Variants in TTC23 observed in about 807,000 individuals in gnomAD.
The protein encoded by TTC23 is tetratricopeptide repeat protein 23.
A neutral mutation model predicts 55.1 loss-of-function variants in TTC23; 58 were observed. The observed-to-expected ratio is 1.05, with a 90% CI of 0.85 to 1.31. The LOEUF is 1.31. Ranked by LOEUF, TTC23 falls within the 50% of genes most tolerant of loss-of-function variation. The probability of loss-of-function intolerance (pLI) is 0.00; values close to 1 mark genes in which losing one functional copy is unlikely to be tolerated. For missense variants in TTC23, 516 were observed against 534.4 expected, an observed-to-expected ratio of 0.97 and a Z score of 0.34; for synonymous variants, 203 against 199.9, an observed-to-expected ratio of 1.02 and a Z score of -0.13.
chr15:99,217,307 G>A (rs1204273790), intron 8 of TTC23, among the ~76,000 whole-genome samples: 3 of 151,780 alleles, frequency 2.0e-5, no homozygotes, highest in African/African-American at 7.3e-5. Context: ...ATAGGCATGC[G>A]CCACCACGCC....
intron 10 of TTC23, among the ~76,000 whole-genome samples, chr15:99,169,152 AG>A (rs539817464): frequency 3.9e-5 from 6 of 152,174 alleles, no homozygotes; most frequent in Non-Finnish European, 7.4e-5. Flanking sequence ...GGCACAGAGC[AG>A]GGATGGATGC....
chr15:99,190,053 C>T (rs190128093), intron 9 of TTC23, among the ~76,000 whole-genome samples: 82 of 152,056 alleles, frequency 5.4e-4, no homozygotes, highest in African/African-American at 1.9e-3. Context: ...TGGCAGTGCA[C>T]GCCTATAGTC....
chr15:99,212,260 A>ATGTGTGTG (rs35709919), intron 8 of TTC23, among the ~76,000 whole-genome samples: 9 of 146,516 alleles, frequency 6.1e-5, no homozygotes, highest in East Asian at 2.0e-4. Flanking sequence ...TTAAAGAGGG[A>ATGTGTGTG]TGTGTGTGTG....
chr15:99,169,925 G>A (rs2072685543), intron 10 of TTC23, among the ~76,000 whole-genome samples: 2 of 152,196 alleles, frequency 1.3e-5, no homozygotes, highest in Admixed American at 6.5e-5. Context: ...AGCCCAGGCC[G>A]CAGATGGGGC....
chr15:99,230,890 T>A (rs1184272493), intron 4 of TTC23, among the ~76,000 whole-genome samples: 2 of 152,200 alleles, frequency 1.3e-5, no homozygotes, highest in African/African-American at 2.4e-5. Context: ...GGAACTCTAG[T>A]TCTACAAAAC....
At chr15:99,214,658 G>A (rs2077316356) in intron 8 of TTC23, among the ~76,000 whole-genome samples, 1 of 151,668 alleles carries the variant, frequency 6.6e-6, no homozygotes, top group Non-Finnish European at 1.5e-5. Context: ...TGAGCTCCAG[G>A]GCTCAAGCTA....
intron 12 of TTC23, among the ~76,000 whole-genome samples, chr15:99,147,375 G>A (rs1703760): frequency 0.025 from 3,742 of 151,936 alleles, 121 homozygotes; most frequent in African/African-American, 0.081. Flanking sequence ...ACAGGCGCCC[G>A]CCACCACACC....
chr15:99,223,431 G>A (rs531563798), intron 5 of TTC23, among the ~76,000 whole-genome samples: 14 of 152,316 alleles, frequency 9.2e-5, no homozygotes, highest in South Asian at 4.2e-4. Context: ...TGCATATGGA[G>A]AAATGACCAT....
intron 9 of TTC23, among the ~76,000 whole-genome samples, chr15:99,186,624 A>G (rs1225686213): frequency 6.6e-6 from 1 of 152,204 alleles, no homozygotes; most frequent in African/African-American, 2.4e-5. Context: ...AGGTTGCAGG[A>G]TACAAGATAA....
intron 1 of TTC23, among the ~76,000 whole-genome samples, chr15:99,248,482 G>A (rs886949088): frequency 9.2e-5 from 14 of 152,096 alleles, no homozygotes; most frequent in Non-Finnish European, 2.1e-4. Context: ...TCACTAGTAG[G>A]GATGCCACTT....
intron 9 of TTC23, among the ~76,000 whole-genome samples, chr15:99,187,103 AG>A (rs957309018): frequency 1.3e-5 from 2 of 152,136 alleles, no homozygotes; most frequent in Admixed American, 6.5e-5. Context: ...TACTGGTATA[AG>A]GATAAACATA....
chr15:99,168,787 C>T (rs1283546825), intron 10 of TTC23, among the ~76,000 whole-genome samples: 1 of 152,158 alleles, frequency 6.6e-6, no homozygotes, highest in Non-Finnish European at 1.5e-5. Flanking sequence ...CCTCCACTGG[C>T]CCCAAGGGCT....
chr15:99,215,181 T>C (rs1016506401), intron 8 of TTC23, among the ~76,000 whole-genome samples: 3 of 152,182 alleles, frequency 2.0e-5, no homozygotes, highest in African/African-American at 7.2e-5. Flanking sequence ...TATCCAGTTA[T>C]GTGTTTGTTT....
chr15:99,140,779 C>A (rs1486497937), intron 12 of TTC23: 3 of 152,076 alleles, frequency 2.0e-5, no homozygotes, highest in African/African-American at 7.2e-5. Context: ...TATTTGTGCA[C>A]CAAAATTCAC....
intron 8 of TTC23, among the ~76,000 whole-genome samples, chr15:99,206,702 T>C (rs922187156): frequency 2.0e-5 from 3 of 152,200 alleles, no homozygotes; most frequent in Non-Finnish European, 4.4e-5. Context: ...GTCTTCTCTC[T>C]GTTTTTCTTA....
intron 8 of TTC23, among the ~76,000 whole-genome samples, chr15:99,201,153 G>A (rs2076166638): frequency 6.6e-6 from 1 of 152,128 alleles, no homozygotes; most frequent in South Asian, 2.1e-4. Flanking sequence ...CTATGAAAAT[G>A]TGTTACTTTT....
intron 8 of TTC23, among the ~76,000 whole-genome samples, chr15:99,201,551 G>T (rs539185576): frequency 6.0e-4 from 91 of 152,290 alleles, no homozygotes; most frequent in African/African-American, 2.1e-3. Flanking sequence ...TTAACTGATA[G>T]AAGTAAAGAT....
At chr15:99,177,589 C>T (rs187644802) in intron 9 of TTC23, among the ~76,000 whole-genome samples, 1 of 152,304 alleles carries the variant, frequency 6.6e-6, no homozygotes, top group African/African-American at 2.4e-5. Flanking sequence ...TTGCTTTTCC[C>T]CTACTATCTC....
Position 99,219,024 on chromosome 15 carries a change from T to C in TTC23, c.329A>G (p.His110Arg). Residue 110 changes from histidine to arginine, a missense_variant, in exon 7 of 14, where the codon CAT (histidine) becomes CGT (arginine). Transcript: ENST00000394132. ...GAGGATTTGTCTGGCTTTTTCTGCA[T>C]GTTGTTTTGCTTGCAGTGACAGTCC... Reference protein sequence around the residue: ...LKGLSLQAKQHAEKARQILAN... With the variant: ...LKGLSLQAKQRAEKARQILAN... 1 of 1,614,198 alleles carries C rather than the reference T, an allele frequency of 6.2e-7. No homozygotes were observed. Among genetic ancestry groups the C allele is most frequent in the Non-Finnish European group, 8.5e-7 (1 of 1,180,010 alleles).
Sources: gnomAD v4.1 joint callset for allele counts (sites outside exome capture counted in the v4.1 genomes callset) on GRCh38, gnomAD v4.1.1 for gene constraint, MANE v1.5 for transcripts, NCBI Gene and HGNC (gene_info 2026-07-23, HGNC 2026-07-21) for gene names.